PLEKHH2: variants seen among roughly 807,000 people sequenced by gnomAD.
PLEKHH2 encodes pleckstrin homology, MyTH4 and FERM domain containing H2.
PLEKHH2 carries 129 observed loss-of-function variants against 187.9 expected under a neutral mutation model. The ratio of observed to expected loss-of-function variants is 0.69; its 90% confidence interval spans 0.59 to 0.79. The LOEUF is 0.79. Among genes scored for constraint, PLEKHH2 ranks in the 30% least tolerant of loss-of-function variants. PLEKHH2 has a pLI of 0.00. For missense variants in PLEKHH2, 2,076 were observed against 1,751.2 expected (o/e 1.19, Z -3.31); for synonymous variants, 686 against 605.6 (o/e 1.13, Z -1.95).
chr2:43,745,023 A>G (rs1572653228), intron 23 of PLEKHH2, among the ~76,000 whole-genome samples: 1 of 151,716 alleles, frequency 6.6e-6, no homozygotes, highest in East Asian at 2.0e-4. Flanking sequence ...AATAATATAT[A>G]TAGAACTAGG....
chr2:43,731,442 A>G (rs1446790481), intron 18 of PLEKHH2, 48 bp from the exon 19 acceptor site: 1 of 1,248,984 alleles, frequency 8.0e-7, no homozygotes, highest in South Asian at 1.3e-5. Context: ...AAGAGGCCAC[A>G]ATAAGTGGTT....
intron 23 of PLEKHH2, among the ~76,000 whole-genome samples, chr2:43,744,911 GA>G (rs1031336198): frequency 8.7e-4 from 128 of 146,908 alleles, no homozygotes; most frequent in Non-Finnish European, 1.5e-3. Flanking sequence ...AAGGAAGAAA[GA>G]AAGAAAACAG....
chr2:43,680,824 T>A (rs1422749696), intron 3 of PLEKHH2: 1 of 443,546 alleles, frequency 2.3e-6, no homozygotes, highest in Non-Finnish European at 4.2e-6. Flanking sequence ...CTTTCTTGAT[T>A]GTATTTGCTT....
chr2:43,750,653 T>G (rs566577531), intron 24 of PLEKHH2, among the ~76,000 whole-genome samples: 18 of 152,226 alleles, frequency 1.2e-4, no homozygotes, highest in African/African-American at 4.3e-4. Flanking sequence ...CCCTTTGAGG[T>G]ACTATTATTA....
At chr2:43,731,407 C>T in intron 18 of PLEKHH2, 83 bp from the exon 19 acceptor site, 5 of 898,410 alleles carry the variant, frequency 5.6e-6, no homozygotes, top group Non-Finnish European at 8.8e-6. Flanking sequence ...CCTGAATGAG[C>T]TAATGTCTAA....
At chr2:43,720,593 A>G (rs934909963) in intron 15 of PLEKHH2, 76 bp from the exon 16 acceptor site, 1 of 1,572,862 alleles carries the variant, frequency 6.4e-7, no homozygotes, top group Non-Finnish European at 8.6e-7. Flanking sequence ...TAGAAACTCA[A>G]ATAGGGTGTA....
chr2:43,761,429 T>A (rs942299106), intron 27 of PLEKHH2, among the ~76,000 whole-genome samples: 1 of 146,052 alleles, frequency 6.8e-6, no homozygotes, highest in South Asian at 2.2e-4. Flanking sequence ...TTTTTTTTTT[T>A]AGATGAAGTC....
chr2:43,689,600 G>A (rs1008000437), intron 3 of PLEKHH2, among the ~76,000 whole-genome samples: 2 of 152,100 alleles, frequency 1.3e-5, no homozygotes, highest in Non-Finnish European at 2.9e-5. Flanking sequence ...AATTACCAAA[G>A]AAGGCTAAAT....
At chr2:43,705,753 C>G (rs985624147) in intron 9 of PLEKHH2, among the ~76,000 whole-genome samples, 1 of 152,026 alleles carries the variant, frequency 6.6e-6, no homozygotes, top group Non-Finnish European at 1.5e-5. Flanking sequence ...TCCCAAGTAA[C>G]TGAGATTACA....
intron 3 of PLEKHH2, among the ~76,000 whole-genome samples, chr2:43,683,476 T>A (rs1416055462): frequency 1.3e-5 from 2 of 152,080 alleles, no homozygotes; most frequent in South Asian, 2.1e-4. Context: ...TTTGTTCAAA[T>A]TGGGATCTAA....
chr2:43,707,569 G>C, intron 11 of PLEKHH2, 24 bp downstream of exon 11: 1 of 1,613,308 alleles, frequency 6.2e-7, no homozygotes, highest in Non-Finnish European at 8.5e-7. Flanking sequence ...GCAGGCATAT[G>C]AGGCAACTCC....
intron 1 of PLEKHH2, among the ~76,000 whole-genome samples, chr2:43,640,788 T>A (rs1351304427): frequency 6.6e-6 from 1 of 151,610 alleles, no homozygotes; most frequent in Non-Finnish European, 1.5e-5. Context: ...AATTTATTAT[T>A]ATTATTGTTT....
chr2:43,749,418 C>G (rs1274572713), intron 24 of PLEKHH2, among the ~76,000 whole-genome samples: 1 of 152,140 alleles, frequency 6.6e-6, no homozygotes, highest in African/African-American at 2.4e-5. Flanking sequence ...TGCGTAAAAC[C>G]AAGCAGCTCC....
At chr2:43,706,518 G>T in intron 10 of PLEKHH2, 102 bp downstream of exon 10, 1 of 829,104 alleles carries the variant, frequency 1.2e-6, no homozygotes. Flanking sequence ...ATTTTACACA[G>T]GCTCTCCCTT....
chr2:43,669,864 C>G (rs11124947), intron 2 of PLEKHH2, among the ~76,000 whole-genome samples: 70,320 of 151,800 alleles, frequency 0.46, 16,882 homozygotes, highest in Non-Finnish European at 0.52. Flanking sequence ...GAGGAAAGAT[C>G]AAAAGGATTT....
intron 3 of PLEKHH2, chr2:43,679,493 C>CTT: frequency 3.1e-6 from 1 of 321,160 alleles, no homozygotes; most frequent in Non-Finnish European, 5.7e-6. Context: ...TGATTTTTTC[C>CTT]CTTTTTTTTT....
intron 28 of PLEKHH2, 71 bp from the exon 29 acceptor site, chr2:43,764,157 T>G: frequency 1.1e-6 from 1 of 894,066 alleles, no homozygotes; most frequent in Non-Finnish European, 1.6e-6. Flanking sequence ...TGGAGATATA[T>G]TATTAATTAT....
chr2:43,731,910 A>G (rs936703131), intron 19 of PLEKHH2, among the ~76,000 whole-genome samples: 1 of 152,184 alleles, frequency 6.6e-6, no homozygotes, highest in Non-Finnish European at 1.5e-5. Flanking sequence ...AGGCACAGCA[A>G]TGGGAGAGGG....
At chr2:43,650,610 C>A (rs1341603815) in intron 2 of PLEKHH2, among the ~76,000 whole-genome samples, 1 of 151,626 alleles carries the variant, frequency 6.6e-6, no homozygotes, top group Non-Finnish European at 1.5e-5. Flanking sequence ...AACAAATAAT[C>A]ACTCAAAAGC....
Sources: gnomAD v4.1 joint callset for allele counts (sites outside exome capture counted in the v4.1 genomes callset) on GRCh38, gnomAD v4.1.1 for gene constraint, MANE v1.5 for transcripts, NCBI Gene and HGNC (gene_info 2026-07-23, HGNC 2026-07-21) for gene names.